C17orf114: variants seen among roughly 807,000 people sequenced by gnomAD.
The protein encoded by C17orf114 is uncharacterized protein C17orf114.
intron 1 of C17orf114, 54 bp downstream of exon 1, chr17:4,802,193 A>G: frequency 2.5e-6 from 1 of 399,056 alleles, no homozygotes; most frequent in East Asian, 3.6e-5. Flanking sequence ...CCTGCCATGC[A>G]GTTGTCTCTC....
chr17:4,806,386 A>C (rs1471865832), upstream of C17orf114, among the ~76,000 whole-genome samples: 1 of 152,236 alleles, frequency 6.6e-6, no homozygotes, highest in East Asian at 1.9e-4. Flanking sequence ...CAGGAGCTAA[A>C]ACAATGGGCA....
chr17:4,802,246 C>T lies in C17orf114; in HGVS notation c.73+1G>A, dbSNP rs1905531606. 1.0e-5 allele frequency: 4 copies of T among 399,656 alleles called. No individual in the cohort carries two copies. The highest frequency in any genetic ancestry group is 1.3e-4 in the South Asian group (1 of 7,872). 24.8% of individuals were successfully genotyped at this position (399,656 alleles called of 1,614,324 possible). On this transcript the variant is annotated splice_donor_variant, in intron 1 of 1. Transcript: ENST00000635921. LOFTEE classifies it high-confidence loss of function. ...CGCTTTACCCTCAGTCTACTCCATACCTGCTCCTCTTTCAGTCCCCCGCTG... is the reference window on the plus strand; with the variant it reads ...CGCTTTACCCTCAGTCTACTCCATATCTGCTCCTCTTTCAGTCCCCCGCTG...
chr17:4,802,558 G>A (rs750586860), upstream of C17orf114, among the ~76,000 whole-genome samples: 1 of 152,184 alleles, frequency 6.6e-6, no homozygotes, highest in African/African-American at 2.4e-5. Flanking sequence ...GATCCCCATG[G>A]AGAAGCAGGA....
chr17:4,806,773 G>C (rs962106383), upstream of C17orf114: 2 of 151,424 alleles, frequency 1.3e-5, no homozygotes, highest in South Asian at 2.1e-4. Flanking sequence ...GCGGAGGCGC[G>C]TCCCCCGGGC....
At chr17:4,802,127 T>A (rs2150662323) in intron 1 of C17orf114, 120 bp downstream of exon 1, 1 of 396,664 alleles carries the variant, frequency 2.5e-6, no homozygotes, top group East Asian at 3.6e-5. Context: ...GTGATCCATC[T>A]CCCACCCAGG....
chr17:4,802,139 A>T (rs1244966928), intron 1 of C17orf114, 108 bp downstream of exon 1: 1 of 397,246 alleles, frequency 2.5e-6, no homozygotes, highest in Non-Finnish European at 4.4e-6. Flanking sequence ...CCACCCAGGG[A>T]GACAGATGAT....
rs930473239 is a variant in C17orf114 at position 4,802,230 on chromosome 17, C to T, written c.73+17G>A. The stretch of plus-strand genomic sequence containing the variant: ...GTCTGCCTGACAGCCCCGCTTTACC[C>T]TCAGTCTACTCCATACCTGCTCCTC... On this transcript the variant is annotated intron_variant, in intron 1 of 1. Transcript: ENST00000635921. 6.5e-5 allele frequency: 26 copies of T among 399,448 alleles called. No individual in the cohort carries two copies. The highest frequency in any genetic ancestry group is 1.0e-4 in the Non-Finnish European group (23 of 226,246). The allele number at this position is 399,448 out of a possible 1,614,324, so 24.7% of individuals were successfully genotyped here. A position where few individuals can be genotyped will look rare whatever the true frequency, so the allele number is the denominator to read the frequency against.
upstream of C17orf114, among the ~76,000 whole-genome samples, chr17:4,804,932 G>A (rs186699660): frequency 4.6e-5 from 7 of 152,170 alleles, no homozygotes; most frequent in Admixed American, 4.6e-4. Context: ...CACATACAAT[G>A]TAATGCACAC....
upstream of C17orf114, chr17:4,802,471 G>A (rs530684383): frequency 9.6e-5 from 38 of 395,402 alleles, 1 homozygote; most frequent in South Asian, 4.5e-3. Context: ...GGGGAGAGGA[G>A]GGAGGAAGAA....
chr17:4,802,396 C>G (rs549988373), upstream of C17orf114: 10 of 398,576 alleles, frequency 2.5e-5, no homozygotes, highest in East Asian at 1.4e-4. Context: ...CAAGCCCCCC[C>G]ACCATGGGCA....
At chr17:4,802,666 G>A (rs537378318), upstream of C17orf114, among the ~76,000 whole-genome samples, 47 of 152,196 alleles carry the variant, frequency 3.1e-4, no homozygotes, top group East Asian at 5.8e-4. Context: ...ACAACTTGGC[G>A]CCAGGCTGGA....
upstream of C17orf114, among the ~76,000 whole-genome samples, chr17:4,803,262 T>C (rs765436599): frequency 8.2e-4 from 124 of 151,772 alleles, no homozygotes; most frequent in Non-Finnish European, 1.3e-3. Context: ...TAGGTGAGTC[T>C]ATCCTGGTTT....
exon 2 of C17orf114, chr17:4,801,313 T>C: frequency 2.5e-6 from 1 of 398,720 alleles, no homozygotes; most frequent in Non-Finnish European, 4.4e-6. Flanking sequence ...CATTGGCCGA[T>C]GCTATGTCAT....
chr17:4,805,203 G>A (rs180925374), upstream of C17orf114, among the ~76,000 whole-genome samples: 469 of 152,044 alleles, frequency 3.1e-3, 2 homozygotes, highest in African/African-American at 9.7e-3. Flanking sequence ...CAAGGAGGGC[G>A]GATCATTTGA....
upstream of C17orf114, among the ~76,000 whole-genome samples, chr17:4,804,432 G>A (rs376363056): frequency 5.9e-5 from 9 of 151,682 alleles, no homozygotes; most frequent in South Asian, 2.1e-4. Flanking sequence ...TCTCGATATC[G>A]TGACCTCGTG....
chr17:4,801,645 T>G (rs11652445), intron 1 of C17orf114, among the ~76,000 whole-genome samples, 190 bp from the exon 2 acceptor site: 1 of 151,900 alleles, frequency 6.6e-6, no homozygotes, highest in South Asian at 2.1e-4. Context: ...CTCGCACACA[T>G]GTGACCTGTG....
At chr17:4,801,182 T>A (rs1046977283) in exon 2 of C17orf114, 3 of 397,282 alleles carry the variant, frequency 7.6e-6, no homozygotes, top group Non-Finnish European at 1.3e-5. Flanking sequence ...ACACATTTGA[T>A]GAGAAGGTTA....
upstream of C17orf114, among the ~76,000 whole-genome samples, chr17:4,805,774 A>AC (rs1042588364): frequency 6.6e-5 from 10 of 152,122 alleles, no homozygotes; most frequent in Admixed American, 2.6e-4. Flanking sequence ...ACACGGTGAG[A>AC]CCCCGTTTCT....
exon 2 of C17orf114, chr17:4,801,452 A>T (rs1263754324): frequency 2.5e-6 from 1 of 398,708 alleles, no homozygotes; most frequent in Admixed American, 4.4e-5. Flanking sequence ...AGCAGGACTC[A>T]GGCCTAAAAG....
Sources: allele counts gnomAD v4.1 joint callset (sites outside exome capture counted in the v4.1 genomes callset), GRCh38; gene constraint gnomAD v4.1.1; transcripts MANE v1.5; gene names NCBI Gene and HGNC (gene_info 2026-07-23, HGNC 2026-07-21).